Variants in SAMSN1 observed in about 807,000 individuals in gnomAD.
SAMSN1 encodes the protein SAM domain-containing protein SAMSN-1.
SAMSN1 carries 31 observed loss-of-function variants against 42.0 expected under a neutral mutation model. The ratio of observed to expected loss-of-function variants is 0.74; its 90% CI spans 0.55 to 1.00. The LOEUF (loss-of-function observed/expected upper bound fraction) is 1.00. Ranked by LOEUF, SAMSN1 falls within the 50% of genes least tolerant of loss-of-function variation. SAMSN1 has a pLI of 0.00. For missense variants in SAMSN1, 464 were observed against 439.4 expected (o/e 1.06, Z -0.50); for synonymous variants, 178 against 151.9 (o/e 1.17, Z -1.26).
chr21:14,543,538 C>T (rs1024753680), intron 1 of SAMSN1, among the ~76,000 whole-genome samples: 17 of 152,052 alleles, frequency 1.1e-4, no homozygotes, highest in Admixed American at 2.6e-4. Flanking sequence ...CTTCTCATAA[C>T]TGTAAGACCT....
rs776738055 is a variant in SAMSN1, at chr21:14,485,969, C to G, written c.1065G>C (p.Glu355Asp). ...GTACCATGTCAGACAGATTTTCAGA[C>G]TCCAGATCCTCTTTGCCATTATCTG... ...GNSDNGKEDL[E>D]SENLSDMVHK... Residue 355 changes from glutamate to aspartate, a missense_variant, in exon 8 of 8, where the codon GAG becomes GAC. Coordinates refer to ENST00000400566, the MANE Select transcript of SAMSN1 (RefSeq NM_022136.5). 6 of 1,613,778 alleles carry G rather than the reference C, an allele frequency of 3.7e-6. No homozygotes were observed. The South Asian group carries it at 6.6e-5, about 18-fold the overall frequency.
intron 3 of SAMSN1, among the ~76,000 whole-genome samples, chr21:14,613,747 A>G (rs1455624908): frequency 1.3e-5 from 2 of 152,088 alleles, no homozygotes; most frequent in Admixed American, 1.3e-4. Context: ...AGTAGACGTA[A>G]AGCTTACAAT....
chr21:14,500,859 A>G lies in SAMSN1; in HGVS notation c.562-124T>C, dbSNP rs73171387. ...AAGGGGTTCAGATATAACAGAAACAAATCTAAACATTCACTTGCTTCAAAA... is the reference window on the plus strand; with the variant it reads ...AAGGGGTTCAGATATAACAGAAACAGATCTAAACATTCACTTGCTTCAAAA... On this transcript the variant is annotated intron_variant, in intron 5 of 7. Transcript: ENST00000400566. 665 of 759,858 alleles carry G rather than the reference A, an allele frequency of 8.8e-4. 3 individuals are homozygous for G. The Middle Eastern group carries it at 9.0e-3, about 10-fold the overall frequency. The allele number at this position is 759,858 out of a possible 1,614,324, so 47.1% of individuals were successfully genotyped here.
chr21:14,607,468 G>C (rs1027529283), intron 5 of SAMSN1, among the ~76,000 whole-genome samples: 1 of 152,078 alleles, frequency 6.6e-6, no homozygotes. Context: ...TCCTAGCATG[G>C]CATTAATTTC....
chr21:14,577,190 G>C lies in SAMSN1; in HGVS notation c.261+4946C>G, dbSNP rs528813079. 5.0e-5 allele frequency among the ~76,000 whole-genome samples: 6 copies of C among 120,776 alleles called. No individual in the cohort carries two copies. In the South Asian group the frequency reaches 1.7e-3, roughly 34 times the overall value. 79.2% of individuals were successfully genotyped at this position (120,776 alleles called of 152,430 possible). A position where few individuals can be genotyped will look rare whatever the true frequency, so the allele number is the denominator to read the frequency against. ...CCTGCCTCAGCCTCTCGAGTAGCTG[G>C]GATTACAGGTGCATGTCACCATGGT... On this transcript the variant is annotated intron_variant, in intron 2 of 8. Coordinates refer to the SAMSN1 transcript ENST00000285670.
At chr21:14,588,646 C>T (rs201364649) in intron 7 of SAMSN1, among the ~76,000 whole-genome samples, 7 of 152,220 alleles carry the variant, frequency 4.6e-5, no homozygotes, top group Non-Finnish European at 7.3e-5. Context: ...TCTTCTTCAA[C>T]TCAGTGAAGG....
At chr21:14,625,260 G>A (rs149256324) in intron 2 of SAMSN1, among the ~76,000 whole-genome samples, 22 of 152,142 alleles carry the variant, frequency 1.4e-4, no homozygotes, top group East Asian at 3.9e-4. Flanking sequence ...TCAACATAGC[G>A]TTGGAAGTTC....
At chr21:14,487,460 G>A (rs563655984) in intron 7 of SAMSN1, among the ~76,000 whole-genome samples, 12 of 152,090 alleles carry the variant, frequency 7.9e-5, no homozygotes, top group South Asian at 4.1e-4. Context: ...CATTATAAAT[G>A]AGAATTGTGC....
intron 7 of SAMSN1, among the ~76,000 whole-genome samples, chr21:14,493,356 A>G (rs1038259711): frequency 2.0e-5 from 3 of 152,182 alleles, no homozygotes; most frequent in African/African-American, 7.2e-5. Context: ...TCTAGAGCAA[A>G]CAAGGTATTT....
chr21:14,640,114 A>G (rs1423407583), intron 2 of SAMSN1, among the ~76,000 whole-genome samples: 2 of 152,198 alleles, frequency 1.3e-5, no homozygotes, highest in Non-Finnish European at 2.9e-5. Flanking sequence ...ATGTTCATCT[A>G]TGGAACTCCC....
intron 5 of SAMSN1, among the ~76,000 whole-genome samples, chr21:14,508,303 A>G (rs901775267): frequency 1.3e-5 from 2 of 152,244 alleles, no homozygotes; most frequent in East Asian, 3.8e-4. Flanking sequence ...TTCACAATCT[A>G]TACATCTGAC....
rs182521430 is a variant in SAMSN1 at position 14,594,992 on chromosome 21, C to T, written c.400-914G>A. Among the ~76,000 whole-genome samples the T allele has an allele frequency of 3.3e-5, 5 of 152,186 alleles. No individual in the cohort carries two copies. In the East Asian group the frequency reaches 9.7e-4, roughly 30 times the overall value. On this transcript the variant is annotated intron_variant, in intron 6 of 15. Transcript: ENST00000647101. ...GTCATGGTGGAAGGCAAAGGGGGAG[C>T]AGGTTTTCTTACATTTCAGGAGCAA...
intron 6 of SAMSN1, among the ~76,000 whole-genome samples, chr21:14,595,940 GA>G (rs1328141652): frequency 4.6e-5 from 7 of 152,146 alleles, no homozygotes; most frequent in Non-Finnish European, 7.4e-5. Context: ...AAATGCATGA[GA>G]ATGATGCTAA....
At chr21:14,491,533 A>G (rs1480017202) in intron 7 of SAMSN1, among the ~76,000 whole-genome samples, 1 of 152,230 alleles carries the variant, frequency 6.6e-6, no homozygotes, top group African/African-American at 2.4e-5. Context: ...AAATCTGTAC[A>G]AACAAGCCAT....
At chr21:14,587,356 A>G (rs1159544192), upstream of SAMSN1, among the ~76,000 whole-genome samples, 1 of 152,082 alleles carries the variant, frequency 6.6e-6, no homozygotes, top group Non-Finnish European at 1.5e-5. Context: ...CTAATGAGCC[A>G]TTCTTAAACT....
At chr21:14,555,946 C>A (rs1980749369) in intron 2 of SAMSN1, among the ~76,000 whole-genome samples, 1 of 152,066 alleles carries the variant, frequency 6.6e-6, no homozygotes, top group African/African-American at 2.4e-5. Context: ...TTAAAATTGC[C>A]TGCTTAATTC....
At chr21:14,552,755 C>T (rs150621815) in intron 2 of SAMSN1, among the ~76,000 whole-genome samples, 87 of 152,176 alleles carry the variant, frequency 5.7e-4, no homozygotes, top group Admixed American at 2.4e-3. Flanking sequence ...TCCATTTGCT[C>T]GAGTTGGAGG....
chr21:14,594,725 A>G (rs1982205481), intron 6 of SAMSN1: 2 of 152,194 alleles, frequency 1.3e-5, no homozygotes, highest in African/African-American at 2.4e-5. Context: ...AGGGCATTTG[A>G]TGGAGTCTAT....
intron 2 of SAMSN1, among the ~76,000 whole-genome samples, chr21:14,553,485 G>A (rs933444147): frequency 3.3e-5 from 5 of 152,050 alleles, no homozygotes; most frequent in Non-Finnish European, 5.9e-5. Context: ...TTCTAATGTG[G>A]TTTAGTTGTT....
Sources: allele counts gnomAD v4.1 joint callset (sites outside exome capture counted in the v4.1 genomes callset), GRCh38; gene constraint gnomAD v4.1.1; transcripts MANE v1.5; gene names NCBI Gene and HGNC (gene_info 2026-07-23, HGNC 2026-07-21).